The following PIGF variants were observed in gnomAD, a reference collection of about 807,000 sequenced individuals.
The protein encoded by PIGF is phosphatidylinositol glycan anchor biosynthesis class F.
Under a neutral mutation model 26.0 loss-of-function variants are expected in PIGF, and 23 were observed. The ratio of observed to expected loss-of-function variants is 0.88; its 90% CI spans 0.64 to 1.25. The LOEUF (loss-of-function observed/expected upper bound fraction) is 1.25. PIGF is among the 50% of genes most tolerant of loss of function. PIGF has a pLI of 0.00. For missense variants in PIGF, 278 were observed against 249.9 expected (o/e 1.11, Z -0.76); for synonymous variants, 93 against 92.6 (o/e 1.00, Z -0.03).
intron 4 of PIGF, among the ~76,000 whole-genome samples, chr2:46,601,812 G>A (rs1208384614): frequency 6.6e-6 from 1 of 151,810 alleles, no homozygotes; most frequent in Non-Finnish European, 1.5e-5. Context: ...TACACAAATA[G>A]GTCTTATTGA....
At chr2:46,613,415 C>G (rs913868658) in intron 3 of PIGF, among the ~76,000 whole-genome samples, 1 of 152,094 alleles carries the variant, frequency 6.6e-6, no homozygotes, top group Admixed American at 6.5e-5. Context: ...TTCAGAGGTT[C>G]TAAGGGCCAA....
intron 4 of PIGF, among the ~76,000 whole-genome samples, chr2:46,610,911 G>A (rs1475226062): frequency 2.0e-5 from 3 of 152,098 alleles, no homozygotes; most frequent in African/African-American, 7.2e-5. Flanking sequence ...CTCTCATTGG[G>A]CTGTTACCTT....
chr2:46,615,288 A>G, intron 1 of PIGF, 103 bp from the exon 2 acceptor site: 1 of 607,460 alleles, frequency 1.6e-6, no homozygotes, highest in Non-Finnish European at 3.0e-6. Flanking sequence ...ATTTTCTATG[A>G]GCAATGTATT....
chr2:46,602,158 T>A (rs1460692473), intron 4 of PIGF, among the ~76,000 whole-genome samples: 1 of 151,990 alleles, frequency 6.6e-6, no homozygotes, highest in Non-Finnish European at 1.5e-5. Flanking sequence ...CAAATGACCT[T>A]GTCTACTTCC....
chr2:46,603,470 T>C (rs568664163), intron 4 of PIGF, among the ~76,000 whole-genome samples: 1 of 151,688 alleles, frequency 6.6e-6, no homozygotes, highest in East Asian at 1.9e-4. Flanking sequence ...ACTACAGAGC[T>C]ACTGTAACCA....
At position 46,588,150 on chromosome 2, in the gene PIGF, A is replaced by G. The variant is rs192397780; in HGVS notation, c.546+4325T>C. 3.0e-5 allele frequency: 48 copies of G among 1,613,198 alleles called. No homozygotes were observed. The highest frequency in any genetic ancestry group is 1.7e-4 in the Middle Eastern group (1 of 6,060). On this transcript the variant is annotated intron_variant, in intron 5 of 5. Coordinates refer to ENST00000281382, the MANE Select transcript of PIGF (RefSeq NM_002643.4). This position sits in a 1 kb window ranked among gnomAD's most constrained non-coding sequence, Gnocchi z 4.1. ...CCCTGCAGGGTACATGGAGAGATCTATAAGTGCTACGTTTTCTTTCTACTG... is the reference window on the plus strand; with the variant it reads ...CCCTGCAGGGTACATGGAGAGATCTGTAAGTGCTACGTTTTCTTTCTACTG...
chr2:46,616,880 G>GT, intron 1 of PIGF, 90 bp downstream of exon 1: 1 of 326,808 alleles, frequency 3.1e-6, no homozygotes, highest in Admixed American at 4.8e-5. Context: ...CGGCGGGTCG[G>GT]GGCGCCAAGG....
chr2:46,597,158 T>C (rs1460427300), intron 4 of PIGF, among the ~76,000 whole-genome samples: 6 of 152,176 alleles, frequency 3.9e-5, no homozygotes, highest in Non-Finnish European at 8.8e-5. Context: ...TGAATTCCCT[T>C]TGCCTCTCTC....
chr2:46,609,249 G>C (rs1196575400), intron 4 of PIGF, among the ~76,000 whole-genome samples: 1 of 152,226 alleles, frequency 6.6e-6, no homozygotes, highest in Non-Finnish European at 1.5e-5. Flanking sequence ...ACCACTGCTA[G>C]TTTCAAACTT....
intron 4 of PIGF, among the ~76,000 whole-genome samples, chr2:46,606,738 G>A (rs751019467): frequency 2.6e-5 from 4 of 152,048 alleles, no homozygotes; most frequent in Non-Finnish European, 4.4e-5. Context: ...CAGCAATCCC[G>A]CTCCAAGGCA....
Position 46,591,393 on chromosome 2 carries a change from T to C in PIGF, c.546+1082A>G, listed in dbSNP as rs186358724. ...GGGGAGGAAAGTAATTTTTACTTTCTTCCTTAGAATTACTAATATTGCTTT... is the reference window on the plus strand; with the variant it reads ...GGGGAGGAAAGTAATTTTTACTTTCCTCCTTAGAATTACTAATATTGCTTT... On this transcript the variant is annotated intron_variant, in intron 5 of 5. Coordinates refer to ENST00000281382, the MANE Select transcript of PIGF (RefSeq NM_002643.4). 110 of 316,676 alleles carry C rather than the reference T, an allele frequency of 3.5e-4. 2 individuals carry two copies. The East Asian group carries it at 0.016, about 47-fold the overall frequency. 19.6% of individuals were successfully genotyped at this position (316,676 alleles called of 1,614,324 possible).
intron 2 of PIGF, chr2:46,614,296 A>T (rs1190784580): frequency 6.5e-6 from 1 of 152,766 alleles, no homozygotes; most frequent in Non-Finnish European, 1.5e-5. Flanking sequence ...ATCTACAAAG[A>T]AACATGAGAT....
rs146097378 is a variant in PIGF, at chr2:46,587,026, A to C, written c.547-5435T>G. Among the ~76,000 whole-genome samples the C allele has an allele frequency of 2.0e-5, 3 of 152,366 alleles. No individual in the cohort carries two copies. In the East Asian group the frequency reaches 5.8e-4, roughly 29 times the overall value. On this transcript the variant is annotated intron_variant, in intron 5 of 5. Coordinates refer to ENST00000281382, the MANE Select transcript of PIGF (RefSeq NM_002643.4). ...CAAACGAGTTAACTTGGCCAGCATTATTCTCTCTAACATGAAAGTCCTGTT... is the reference window on the plus strand; with the variant it reads ...CAAACGAGTTAACTTGGCCAGCATTCTTCTCTCTAACATGAAAGTCCTGTT...
At chr2:46,590,909 T>C (rs1459440051) in intron 5 of PIGF, among the ~76,000 whole-genome samples, 1 of 152,146 alleles carries the variant, frequency 6.6e-6, no homozygotes, top group Non-Finnish European at 1.5e-5. Flanking sequence ...AATTTGACTT[T>C]CGGGGAGACA....
chr2:46,614,812 G>A (rs1277659167), intron 2 of PIGF, 125 bp downstream of exon 2: 8 of 589,486 alleles, frequency 1.4e-5, no homozygotes, highest in African/African-American at 7.5e-5. Context: ...AATTTGGGGG[G>A]AAAAATATCA....
chr2:46,604,663 T>C (rs961538338), intron 4 of PIGF, among the ~76,000 whole-genome samples: 2 of 151,636 alleles, frequency 1.3e-5, no homozygotes, highest in South Asian at 2.1e-4. Flanking sequence ...AAAAAAACAA[T>C]TGAACTCATG....
At chr2:46,591,107 A>T (rs913294202) in intron 5 of PIGF, among the ~76,000 whole-genome samples, 12 of 152,238 alleles carry the variant, frequency 7.9e-5, no homozygotes, top group African/African-American at 2.9e-4. Context: ...TATGATAATG[A>T]CCATATTTGA....
chr2:46,600,688 T>A (rs752773172), intron 4 of PIGF, among the ~76,000 whole-genome samples: 1 of 152,160 alleles, frequency 6.6e-6, no homozygotes, highest in Admixed American at 6.5e-5. Context: ...ACCATGACTA[T>A]CTGTGTCTAG....
intron 5 of PIGF, among the ~76,000 whole-genome samples, chr2:46,584,190 A>G (rs1379773390): frequency 6.6e-6 from 1 of 152,206 alleles, no homozygotes; most frequent in Non-Finnish European, 1.5e-5. Context: ...TTCTTAACAC[A>G]TGGGGTTACA....
Sources: allele counts gnomAD v4.1 joint callset (sites outside exome capture counted in the v4.1 genomes callset), GRCh38; gene constraint gnomAD v4.1.1; non-coding constraint Gnocchi (gnomAD v3.1); transcripts MANE v1.5; gene names NCBI Gene and HGNC (gene_info 2026-07-23, HGNC 2026-07-21).